Variants in STOM observed in about 807,000 individuals in gnomAD.
STOM encodes stomatin.
Under a neutral mutation model 30.6 loss-of-function variants are expected in STOM, and 25 were observed. The observed-to-expected ratio is 0.82, with a 90% confidence interval of 0.60 to 1.14. The LOEUF (loss-of-function observed/expected upper bound fraction) is 1.14. STOM is among the 50% of genes most tolerant of loss of function. The pLI is 0.00. For synonymous variants in STOM, 118 were observed against 130.8 expected (o/e 0.90, Z 0.67); for missense variants, 292 against 365.2 (o/e 0.80, Z 1.63).
intron 1 of STOM, among the ~76,000 whole-genome samples, chr9:121,369,069 C>T (rs1382960343): frequency 6.6e-6 from 1 of 152,134 alleles, no homozygotes; most frequent in Non-Finnish European, 1.5e-5. Flanking sequence ...TATTAGTAGA[C>T]AAAAAGTGAG....
intron 1 of STOM, among the ~76,000 whole-genome samples, chr9:121,361,438 G>A (rs1275726988): frequency 7.1e-6 from 1 of 139,960 alleles, no homozygotes; most frequent in East Asian, 2.1e-4. Context: ...GCCCAGGCTG[G>A]AGTGCAGTGG....
At chr9:121,347,886 G>T in intron 6 of STOM, 129 bp downstream of exon 6, 2 of 1,185,654 alleles carry the variant, frequency 1.7e-6, no homozygotes, top group Non-Finnish European at 2.3e-6. Flanking sequence ...TACGGGGAGG[G>T]TTTTCACTTC....
chr9:121,348,187 C>T, intron 5 of STOM, 38 bp from the exon 6 acceptor site: 3 of 1,613,508 alleles, frequency 1.9e-6, no homozygotes, highest in Non-Finnish European at 2.5e-6. Flanking sequence ...ATCTCCTCAG[C>T]CCAGCCCAGA....
intron 2 of STOM, among the ~76,000 whole-genome samples, chr9:121,355,319 C>T (rs529027350): frequency 3.7e-4 from 54 of 144,996 alleles, no homozygotes; most frequent in African/African-American, 1.3e-3. Context: ...ACCTGGGAGG[C>T]GGAGGTTGCA....
chr9:121,364,239 T>G (rs2064482502), intron 1 of STOM, among the ~76,000 whole-genome samples: 1 of 152,174 alleles, frequency 6.6e-6, no homozygotes, highest in South Asian at 2.1e-4. Flanking sequence ...GATCAAAACT[T>G]GCAATTCATT....
intron 6 of STOM, among the ~76,000 whole-genome samples, chr9:121,341,762 C>T (rs1215713807): frequency 6.6e-6 from 1 of 152,150 alleles, no homozygotes; most frequent in Admixed American, 6.5e-5. Flanking sequence ...ATTTCCAATT[C>T]TCTGATGAGT....
chr9:121,354,885 C>G (rs1056972611), intron 2 of STOM, among the ~76,000 whole-genome samples: 1 of 152,144 alleles, frequency 6.6e-6, no homozygotes, highest in African/African-American at 2.4e-5. Context: ...TAGATATTCA[C>G]TGTATAAATT....
In STOM at chr9:121,348,022, C is replaced by T. The variant is rs770525579; in HGVS notation, c.653G>A (p.Arg218His). The change falls in exon 6 of 7, where the codon CGC becomes CAC. Residue 218 changes from arginine (R) to histidine (H), a missense_variant. By Grantham distance (29) the Arg-to-His change is conservative. Transcript: ENST00000286713. ...GTTTAAAAAAAAAGTTACCTTGGCG[C>T]GGGCCTCGCGGGACGCTTCTGCTTC... Reference protein sequence around the residue: ...AAEAEASREARAKVIAAEGEM... With the variant: ...AAEAEASREAHAKVIAAEGEM... The T allele has an allele frequency of 5.6e-6, 9 of 1,611,806 alleles. No individual in the cohort carries two copies. Among genetic ancestry groups the T allele is most frequent in the African/African-American group, 2.7e-5 (2 of 74,982 alleles).
chr9:121,359,291 T>C (rs1386982241), intron 1 of STOM, among the ~76,000 whole-genome samples: 1 of 152,168 alleles, frequency 6.6e-6, no homozygotes, highest in Non-Finnish European at 1.5e-5. Context: ...GGTCAAGTGC[T>C]CTAAAACATA....
rs991103877 is a variant in STOM, at chr9:121,345,367, T to C, written c.660+2648A>G. On this transcript the variant is annotated intron_variant, in intron 6 of 6. Transcript: ENST00000286713. The stretch of plus-strand genomic sequence containing the variant: ...TCTTTTCAGGCCATTCTGATAGCTG[T>C]CTAGTGTGACATCCGCTTATAATGT... Among the ~76,000 whole-genome samples, 8 of 152,350 alleles carry C rather than the reference T, an allele frequency of 5.3e-5. No individual in the cohort carries two copies. In the South Asian group the frequency reaches 1.7e-3, roughly 32 times the overall value.
chr9:121,361,869 G>T (rs2064456478), intron 1 of STOM, among the ~76,000 whole-genome samples: 1 of 152,176 alleles, frequency 6.6e-6, no homozygotes, highest in Non-Finnish European at 1.5e-5. Flanking sequence ...GTTTTGGGAT[G>T]AAACTGTTCC....
intron 1 of STOM, among the ~76,000 whole-genome samples, chr9:121,369,284 C>T (rs908483039): frequency 2.7e-4 from 41 of 152,318 alleles, no homozygotes; most frequent in African/African-American, 9.9e-4. Flanking sequence ...TCACTGCCAT[C>T]CTGCCTGAAA....
intron 6 of STOM, among the ~76,000 whole-genome samples, chr9:121,346,786 T>G (rs974108632): frequency 2.0e-5 from 3 of 152,230 alleles, no homozygotes; most frequent in Non-Finnish European, 4.4e-5. Flanking sequence ...TGAAGTCGCA[T>G]GTCAAATGAG....
chr9:121,363,162 G>C (rs1294241466), intron 1 of STOM, among the ~76,000 whole-genome samples: 1 of 152,110 alleles, frequency 6.6e-6, no homozygotes, highest in Non-Finnish European at 1.5e-5. Context: ...ACTTTTTAAC[G>C]GACACTTTTT....
At chr9:121,352,458 G>T (rs2134030927) in intron 4 of STOM, among the ~76,000 whole-genome samples, 1 of 152,210 alleles carries the variant, frequency 6.6e-6, no homozygotes, top group South Asian at 2.1e-4. Flanking sequence ...TGGATTCAAT[G>T]CCATGCTTGA....
In STOM at chr9:121,340,997, A is replaced by T; in HGVS notation, c.*205T>A. The T allele has an allele frequency of 6.4e-6, 9 of 1,416,288 alleles. No individual in the cohort carries two copies. Among genetic ancestry groups the T allele is most frequent in the Non-Finnish European group, 8.3e-6 (9 of 1,089,398 alleles). 87.7% of individuals were successfully genotyped at this position (1,416,288 alleles called of 1,614,324 possible). Reference sequence around the variant, plus strand: ...AAAAATACAAACTTTTAACTATTTTAAGACTAACAGATTACCTTATATAAA... The same window carrying T: ...AAAAATACAAACTTTTAACTATTTTTAGACTAACAGATTACCTTATATAAA... On this transcript the variant is annotated 3_prime_UTR_variant, in exon 7 of 7. Coordinates refer to ENST00000286713, the MANE Select transcript of STOM (RefSeq NM_004099.6).
intron 1 of STOM, among the ~76,000 whole-genome samples, chr9:121,358,594 T>C (rs1480535986): frequency 1.3e-5 from 2 of 152,352 alleles, no homozygotes; most frequent in Admixed American, 6.5e-5. Context: ...CACATACTTA[T>C]ACCCAGCTTT....
chr9:121,369,983 T>C, intron 1 of STOM, 144 bp downstream of exon 1: 1 of 744,710 alleles, frequency 1.3e-6, no homozygotes, highest in Non-Finnish European at 2.2e-6. Flanking sequence ...GATGCTCAGT[T>C]TACTAGGGAG....
intron 1 of STOM, among the ~76,000 whole-genome samples, chr9:121,360,146 G>C (rs1481881190): frequency 6.6e-6 from 1 of 152,196 alleles, no homozygotes; most frequent in African/African-American, 2.4e-5. Flanking sequence ...GTCTAGCACA[G>C]TATCCTGCAT....
Sources: allele counts gnomAD v4.1 joint callset (sites outside exome capture counted in the v4.1 genomes callset), GRCh38; gene constraint gnomAD v4.1.1; transcripts MANE v1.5; gene names NCBI Gene and HGNC (gene_info 2026-07-23, HGNC 2026-07-21).